CTNNA3: variants seen among roughly 807,000 people sequenced by gnomAD.
CTNNA3 encodes catenin alpha 3.
A neutral mutation model predicts 95.7 loss-of-function variants in CTNNA3; 76 were observed. The observed-to-expected ratio is 0.79, with a 90% CI of 0.66 to 0.96. The LOEUF is 0.96. CTNNA3 is among the 40% of genes least tolerant of loss of function. CTNNA3 has a pLI of 0.00. For synonymous variants in CTNNA3, 431 were observed against 374.4 expected, an observed-to-expected ratio of 1.15 and a Z score of -1.74; for missense variants, 1,191 against 1,089.8, an observed-to-expected ratio of 1.09 and a Z score of -1.31.
rs2076997319 is a variant in CTNNA3 at position 65,915,625 on chromosome 10, A to C, written c.*4705T>G. 1 of 152,168 alleles carries C rather than the reference A, an allele frequency of 6.6e-6. No homozygotes were observed. The highest frequency in any genetic ancestry group is 2.4e-5 in the African/African-American group (1 of 41,432). 9.4% of individuals were successfully genotyped at this position (152,168 alleles called of 1,614,324 possible). ...CAGCCATAAAGCATCTCGTCTCAGA[A>C]TAAAACTTATGGTCGGCCCCACAGC... On this transcript the variant is annotated 3_prime_UTR_variant, in exon 18 of 18. Coordinates refer to ENST00000433211, the MANE Select transcript of CTNNA3 (RefSeq NM_013266.4).
At chr10:66,013,857 A>T (rs562786910) in intron 15 of CTNNA3, among the ~76,000 whole-genome samples, 7 of 152,296 alleles carry the variant, frequency 4.6e-5, no homozygotes, top group African/African-American at 1.4e-4. Context: ...TGGCAATTCA[A>T]CATCTAAATA....
At chr10:67,564,677 G>GTGTGTGTGTATATATA (rs1488656262) in intron 3 of CTNNA3, among the ~76,000 whole-genome samples, 3 of 61,334 alleles carry the variant, frequency 4.9e-5, no homozygotes, top group African/African-American at 1.9e-4. Flanking sequence ...GTGTGTGTGT[G>GTGTGTGTGTATATATA]TATATATATA....
At chr10:67,274,522 T>C (rs1272429838) in intron 5 of CTNNA3, among the ~76,000 whole-genome samples, 1 of 152,092 alleles carries the variant, frequency 6.6e-6, no homozygotes, top group Non-Finnish European at 1.5e-5. Flanking sequence ...CACATCTCTT[T>C]TGGTAGTTAA....
chr10:66,739,548 ATATT>A (rs1300271780), intron 9 of CTNNA3, among the ~76,000 whole-genome samples: 7 of 152,184 alleles, frequency 4.6e-5, no homozygotes, highest in Admixed American at 3.9e-4. Flanking sequence ...ATGTTTATAT[ATATT>A]TATTTACATT....
intron 13 of CTNNA3, among the ~76,000 whole-genome samples, chr10:66,190,064 G>T (rs780164117): frequency 5.5e-4 from 83 of 152,182 alleles, no homozygotes; most frequent in Non-Finnish European, 5.7e-4. Flanking sequence ...AAACTACAGA[G>T]CCAAGAAGCT....
At chr10:66,723,938 GC>G (rs774554622) in intron 9 of CTNNA3, among the ~76,000 whole-genome samples, 83 of 152,080 alleles carry the variant, frequency 5.5e-4, no homozygotes, top group Non-Finnish European at 4.1e-4. Context: ...TAATTTGAGA[GC>G]TTTTCTCTTT....
At chr10:66,173,383 G>T (rs916269308) in intron 13 of CTNNA3, among the ~76,000 whole-genome samples, 2 of 152,142 alleles carry the variant, frequency 1.3e-5, no homozygotes, top group African/African-American at 4.8e-5. Flanking sequence ...GATCAACAAG[G>T]ATTTAAATGG....
intron 10 of CTNNA3, among the ~76,000 whole-genome samples, chr10:66,599,856 C>A (rs947716594): frequency 6.6e-6 from 1 of 151,952 alleles, no homozygotes; most frequent in African/African-American, 2.4e-5. Context: ...CAAAAATATT[C>A]AATAGCACCT....
chr10:67,204,487 C>T (rs1863801780), intron 6 of CTNNA3, among the ~76,000 whole-genome samples: 1 of 152,166 alleles, frequency 6.6e-6, no homozygotes, highest in South Asian at 2.1e-4. Context: ...GCTTCCTGTA[C>T]AGCCTGCAGA....
intron 9 of CTNNA3, among the ~76,000 whole-genome samples, chr10:66,659,483 C>T (rs1846182924): frequency 6.6e-6 from 1 of 152,154 alleles, no homozygotes; most frequent in Non-Finnish European, 1.5e-5. Context: ...TGAGAAAAGA[C>T]TTAGAAAGAC....
At chr10:67,703,851 T>C (rs1265063596) in intron 1 of CTNNA3, among the ~76,000 whole-genome samples, 2 of 152,222 alleles carry the variant, frequency 1.3e-5, no homozygotes, top group East Asian at 3.8e-4. Context: ...TGTTTGCAGA[T>C]GACATGATTG....
intron 11 of CTNNA3, among the ~76,000 whole-genome samples, chr10:66,472,453 T>C (rs1446699517): frequency 1.3e-5 from 2 of 151,990 alleles, no homozygotes; most frequent in Non-Finnish European, 1.5e-5. Flanking sequence ...AAACAAAGGT[T>C]AAAGCCAAAT....
chr10:67,686,188 ATTC>A (rs915349385), intron 1 of CTNNA3, among the ~76,000 whole-genome samples: 65 of 152,298 alleles, frequency 4.3e-4, no homozygotes, highest in African/African-American at 1.5e-3. Context: ...ATACACATTT[ATTC>A]TTCTTCCCTT....
At chr10:66,919,051 C>T (rs921125221) in intron 7 of CTNNA3, among the ~76,000 whole-genome samples, 6 of 150,122 alleles carry the variant, frequency 4.0e-5, no homozygotes, top group African/African-American at 4.9e-5. Flanking sequence ...CCAAGAATCA[C>T]TTCAACCCGG....
chr10:67,146,319 C>T (rs1860839930), intron 7 of CTNNA3, among the ~76,000 whole-genome samples: 1 of 152,134 alleles, frequency 6.6e-6, no homozygotes, highest in African/African-American at 2.4e-5. Flanking sequence ...TGTCTAAGTG[C>T]TAATTTTCCA....
rs139673789 is a variant in CTNNA3 at position 67,136,097 on chromosome 10, T to C, written c.1047+44220A>G. 1.5e-3 allele frequency among the ~76,000 whole-genome samples: 229 copies of C among 152,262 alleles called. 1 individual carries two copies. The highest frequency in any genetic ancestry group is 2.6e-3 in the Non-Finnish European group (179 of 68,014). On this transcript the variant is annotated intron_variant, in intron 7 of 17. Transcript: ENST00000433211. ...CCTTTGAAGCTTTTAACTTTTATGCTAAACAACACTGCTGTTCTGATTTGA... is the reference window on the plus strand; with the variant it reads ...CCTTTGAAGCTTTTAACTTTTATGCCAAACAACACTGCTGTTCTGATTTGA...
intron 6 of CTNNA3, among the ~76,000 whole-genome samples, chr10:67,183,910 A>G (rs1296853508): frequency 3.3e-5 from 5 of 152,128 alleles, no homozygotes; most frequent in South Asian, 4.1e-4. Context: ...TCTTTTTTAC[A>G]TTATTAACTG....
intron 5 of CTNNA3, among the ~76,000 whole-genome samples, chr10:67,357,291 G>A (rs11594047): frequency 0.012 from 1,801 of 151,894 alleles, 20 homozygotes; most frequent in Non-Finnish European, 0.018. Flanking sequence ...CATCAAACAT[G>A]ATGTTATATC....
intron 11 of CTNNA3, among the ~76,000 whole-genome samples, chr10:66,483,477 T>C (rs1299625082): frequency 6.6e-6 from 1 of 152,180 alleles, no homozygotes; most frequent in Non-Finnish European, 1.5e-5. Context: ...TCTGGCGATC[T>C]TCATTTAACT....
Sources: allele counts gnomAD v4.1 joint callset (sites outside exome capture counted in the v4.1 genomes callset), GRCh38; gene constraint gnomAD v4.1.1; transcripts MANE v1.5; gene names NCBI Gene and HGNC (gene_info 2026-07-23, HGNC 2026-07-21).